The following TYW1B variants were observed in gnomAD, a reference collection of about 807,000 sequenced individuals.
TYW1B encodes S-adenosyl-L-methionine-dependent tRNA 4-demethylwyosine synthase TYW1B.
A neutral mutation model predicts 86.9 loss-of-function variants in TYW1B; 73 were observed. The ratio of observed to expected loss-of-function variants is 0.84; its 90% CI spans 0.70 to 1.02. TYW1B has a LOEUF of 1.02. Ranked by LOEUF, TYW1B falls within the 50% of genes least tolerant of loss-of-function variation. TYW1B has a pLI of 0.00. For synonymous variants in TYW1B, 248 were observed against 292.8 expected (o/e 0.85, Z 1.56); for missense variants, 637 against 827.4 (o/e 0.77, Z 2.82).
At chr7:72,827,490 ACT>A (rs1478465149) in intron 1 of TYW1B, among the ~76,000 whole-genome samples, 5 of 152,188 alleles carry the variant, frequency 3.3e-5, no homozygotes, top group Non-Finnish European at 5.9e-5. Flanking sequence ...GTTAACACTA[ACT>A]CAAAGAAAAA....
intron 13 of TYW1B, among the ~76,000 whole-genome samples, chr7:72,603,092 TGATGGATGGATGGATGGATGGATG>T (rs61589472): frequency 4.8e-5 from 7 of 147,000 alleles, no homozygotes; most frequent in South Asian, 2.1e-4. Context: ...GACAGACAGA[TGATGGATGGATGGATGGATGGATG>T]GATGGATGGA....
intron 9 of TYW1B, among the ~76,000 whole-genome samples, chr7:72,721,512 T>C (rs557039547): frequency 9.9e-5 from 15 of 152,218 alleles, no homozygotes; most frequent in East Asian, 3.9e-4. Context: ...AAATTTCTAA[T>C]GGAAAGGATT....
At chr7:72,809,680 T>A (rs1452776750) in intron 4 of TYW1B, among the ~76,000 whole-genome samples, 14,897 of 100,082 alleles carry the variant, frequency 0.15, 1,270 homozygotes, top group East Asian at 0.39. Context: ...TAAAAAAAAA[T>A]TTTTTTTAAG....
At chr7:72,582,930 C>T (rs1224194034) in intron 13 of TYW1B, among the ~76,000 whole-genome samples, 2 of 151,958 alleles carry the variant, frequency 1.3e-5, no homozygotes, top group African/African-American at 2.4e-5. Context: ...ACAGTGTTCA[C>T]GTGGTTATAA....
intron 12 of TYW1B, among the ~76,000 whole-genome samples, chr7:72,623,206 T>C (rs1268222911): frequency 6.6e-6 from 1 of 152,188 alleles, no homozygotes; most frequent in Non-Finnish European, 1.5e-5. Context: ...TACGTGTGTG[T>C]TTCCATTTTA....
chr7:72,722,981 G>A (rs1325589456), intron 9 of TYW1B: 105 of 697,734 alleles, frequency 1.5e-4, no homozygotes, highest in Non-Finnish European at 2.2e-4. Context: ...GCCCTGCACT[G>A]GATACCTAAG....
intron 7 of TYW1B, among the ~76,000 whole-genome samples, chr7:72,756,000 G>A (rs1446275359): frequency 6.6e-6 from 1 of 152,010 alleles, no homozygotes; most frequent in East Asian, 1.9e-4. Context: ...AGCCCAAGAG[G>A]GCACAATGGA....
rs782745322 is a variant in TYW1B at position 72,828,041 on chromosome 7, C to T, written c.4+31G>A. On this transcript the variant is annotated intron_variant, in intron 1 of 13. Coordinates refer to ENST00000620995, the MANE Select transcript of TYW1B (RefSeq NM_001145440.3). ...GTAAAACGTTTACCTCCCCTGCCGC[C>T]CCAGGGTCCTTGCCCGCCGAGTGCC... 3.7e-6 allele frequency: 6 copies of T among 1,613,450 alleles called. No homozygotes were observed. The Admixed American group carries it at 1.0e-4, about 27-fold the overall frequency.
chr7:72,725,910 GTACA>G (rs1203752536), intron 9 of TYW1B, among the ~76,000 whole-genome samples: 1 of 151,684 alleles, frequency 6.6e-6, no homozygotes, highest in Non-Finnish European at 1.5e-5. Context: ...ACACATACAC[GTACA>G]TACACACACA....
At position 72,574,906 on chromosome 7, in the gene TYW1B, G is replaced by C. The variant is rs1554428155; in HGVS notation, c.*592C>G. 1.0e-6 allele frequency: 1 copy of C among 986,082 alleles called. No homozygotes were observed. The highest frequency in any genetic ancestry group is 1.1e-4 in the East Asian group (1 of 8,840). The allele number at this position is 986,082 out of a possible 1,614,324, so 61.1% of individuals were successfully genotyped here. ...GATGAGATCTAGTAGTTTTAGATCCGATGCAATTTTGGGAAGGGTTAGTAA... is the reference window on the plus strand; with the variant it reads ...GATGAGATCTAGTAGTTTTAGATCCCATGCAATTTTGGGAAGGGTTAGTAA... On this transcript the variant is annotated 3_prime_UTR_variant, in exon 14 of 14. Coordinates refer to ENST00000620995, the MANE Select transcript of TYW1B (RefSeq NM_001145440.3).
intron 7 of TYW1B, among the ~76,000 whole-genome samples, chr7:72,772,138 C>T (rs1554469775): frequency 6.6e-6 from 1 of 151,600 alleles, no homozygotes; most frequent in African/African-American, 2.4e-5. Flanking sequence ...CGTGAGCCAC[C>T]ACACCCAATC....
At chr7:72,743,647 C>A (rs1371772467) in intron 8 of TYW1B, among the ~76,000 whole-genome samples, 3 of 151,890 alleles carry the variant, frequency 2.0e-5, no homozygotes, top group Non-Finnish European at 4.4e-5. Context: ...AGTTCAAAAC[C>A]GGCCTGGCCA....
intron 6 of TYW1B, among the ~76,000 whole-genome samples, chr7:72,788,693 C>T (rs1344648268): frequency 8.5e-5 from 13 of 152,130 alleles, no homozygotes; most frequent in African/African-American, 2.6e-4. Flanking sequence ...CCACCATACC[C>T]GGCTAATTTT....
At chr7:72,652,390 A>AAG (rs1813085935) in intron 11 of TYW1B, among the ~76,000 whole-genome samples, 2 of 148,642 alleles carry the variant, frequency 1.3e-5, no homozygotes, top group African/African-American at 5.1e-5. Context: ...AAAAAAAAAA[A>AAG]AAAAAAAAAA....
At position 72,811,227 on chromosome 7, in the gene TYW1B, C is replaced by T. The variant is rs561063612; in HGVS notation, c.238-562G>A. Reference sequence around the variant, plus strand: ...CAGAGCTTGTAGTGAGCCGAGATCGCGCCACTGCACTCCAGCCTGGGCGAC... The same window carrying T: ...CAGAGCTTGTAGTGAGCCGAGATCGTGCCACTGCACTCCAGCCTGGGCGAC... On this transcript the variant is annotated intron_variant, in intron 3 of 13. Transcript: ENST00000620995. Among the ~76,000 whole-genome samples, 43 of 145,262 alleles carry T rather than the reference C, an allele frequency of 3.0e-4. No individual in the cohort carries two copies. The South Asian group carries it at 7.6e-3, about 26-fold the overall frequency.
At chr7:72,767,363 T>C (rs1787788310) in intron 7 of TYW1B, among the ~76,000 whole-genome samples, 1 of 152,134 alleles carries the variant, frequency 6.6e-6, no homozygotes, top group Non-Finnish European at 1.5e-5. Context: ...TACCAGCACT[T>C]TGGGAGACCA....
rs2129571259 is a variant in TYW1B, at chr7:72,739,898, A to C, written c.1082+4586T>G. Among the ~76,000 whole-genome samples, 2 of 142,736 alleles carry C rather than the reference A, an allele frequency of 1.4e-5. 1 individual carries two copies. The allele number at this position is 142,736 out of a possible 152,430, so 93.6% of individuals were successfully genotyped here. A position where few individuals can be genotyped will look rare whatever the true frequency, so the allele number is the denominator to read the frequency against. On this transcript the variant is annotated intron_variant, in intron 8 of 13. Transcript: ENST00000620995. ...TAGGCTCAGCACAAGCAGGAAGCAAAGGCTAAGGCAGAGTTGTAAATGGCC... is the reference window on the plus strand; with the variant it reads ...TAGGCTCAGCACAAGCAGGAAGCAACGGCTAAGGCAGAGTTGTAAATGGCC...
intron 13 of TYW1B, among the ~76,000 whole-genome samples, chr7:72,585,937 G>A (rs1811264816): frequency 6.6e-6 from 1 of 152,106 alleles, no homozygotes; most frequent in Non-Finnish European, 1.5e-5. Flanking sequence ...AGAAAACAGA[G>A]CTACTCCCAT....
chr7:72,751,383 T>C (rs180759364), intron 7 of TYW1B, among the ~76,000 whole-genome samples: 1 of 152,314 alleles, frequency 6.6e-6, no homozygotes, highest in Admixed American at 6.5e-5. Flanking sequence ...CCAATCGTAC[T>C]ATTGATCTGT....
Sources: allele counts gnomAD v4.1 joint callset (sites outside exome capture counted in the v4.1 genomes callset), GRCh38; gene constraint gnomAD v4.1.1; transcripts MANE v1.5; gene names NCBI Gene and HGNC (gene_info 2026-07-23, HGNC 2026-07-21).